GLRX3: variants seen among roughly 807,000 people sequenced by gnomAD.
The protein encoded by GLRX3 is glutaredoxin-3.
In GLRX3, 22 loss-of-function variants were observed where a neutral mutation model predicts 49.5. The observed-to-expected ratio is 0.44, with a 90% CI of 0.32 to 0.63. GLRX3 has a LOEUF of 0.63. Among genes scored for constraint, GLRX3 ranks in the 30% least tolerant of loss-of-function variants. The pLI, the probability that GLRX3 is intolerant of heterozygous loss-of-function variation, is 0.05. For synonymous variants in GLRX3, 133 were observed against 140.0 expected, an observed-to-expected ratio of 0.95 and a Z score of 0.35; for missense variants, 385 against 396.3, an observed-to-expected ratio of 0.97 and a Z score of 0.24.
At chr10:130,138,037 G>C (rs908389322) in intron 1 of GLRX3, among the ~76,000 whole-genome samples, 2 of 151,994 alleles carry the variant, frequency 1.3e-5, no homozygotes, top group Non-Finnish European at 2.9e-5. Context: ...CGTCCGGCCA[G>C]AAATGCTTAT....
chr10:130,137,887 A>G (rs1307712127), intron 1 of GLRX3, among the ~76,000 whole-genome samples: 1 of 151,650 alleles, frequency 6.6e-6, no homozygotes. Flanking sequence ...GGTGCTCACC[A>G]CCACGCCCGT....
At chr10:130,137,821 G>A (rs1336611122) in intron 1 of GLRX3, among the ~76,000 whole-genome samples, 1 of 151,880 alleles carries the variant, frequency 6.6e-6, no homozygotes, top group Admixed American at 6.6e-5. Context: ...TGCAGCCTCC[G>A]CCTCCCAGGC....
intron 4 of GLRX3, among the ~76,000 whole-genome samples, chr10:130,163,027 C>T (rs1862606287): frequency 6.6e-6 from 1 of 152,130 alleles, no homozygotes. Context: ...TTAAAATATA[C>T]TGCTAGCATT....
At chr10:130,162,449 G>A (rs989948175) in intron 4 of GLRX3, among the ~76,000 whole-genome samples, 3 of 152,192 alleles carry the variant, frequency 2.0e-5, no homozygotes, top group African/African-American at 7.2e-5. Context: ...AACGGGGGTT[G>A]CAAATGGTTC....
chr10:130,156,652 G>A (rs894844822), intron 2 of GLRX3, among the ~76,000 whole-genome samples: 2 of 152,170 alleles, frequency 1.3e-5, no homozygotes, highest in African/African-American at 4.8e-5. Context: ...GTAGCTATTC[G>A]CCGTTACTGT....
intron 2 of GLRX3, among the ~76,000 whole-genome samples, chr10:130,157,193 A>T (rs542439041): frequency 6.6e-6 from 1 of 152,172 alleles, no homozygotes; most frequent in Admixed American, 6.5e-5. Flanking sequence ...AGAACTAGGG[A>T]AGCTGGTGGC....
chr10:130,165,710 G>A (rs1862669168), intron 4 of GLRX3, among the ~76,000 whole-genome samples: 1 of 152,224 alleles, frequency 6.6e-6, no homozygotes, highest in Non-Finnish European at 1.5e-5. Flanking sequence ...AGTGAAGATT[G>A]AGAACTACTG....
chr10:130,156,410 T>A (rs1042619901), intron 2 of GLRX3, among the ~76,000 whole-genome samples: 1 of 152,194 alleles, frequency 6.6e-6, no homozygotes, highest in African/African-American at 2.4e-5. Context: ...ATTTCCAGCA[T>A]ATGAATTTAG....
intron 2 of GLRX3, among the ~76,000 whole-genome samples, chr10:130,153,501 G>T (rs1862419233): frequency 6.6e-6 from 1 of 152,126 alleles, no homozygotes; most frequent in Non-Finnish European, 1.5e-5. Flanking sequence ...TATCCTTTTT[G>T]TTGATGTTGA....
At chr10:130,166,809 C>T in intron 5 of GLRX3, 110 bp from the exon 6 acceptor site, 1 of 900,580 alleles carries the variant, frequency 1.1e-6, no homozygotes, top group Non-Finnish European at 1.8e-6. Flanking sequence ...GCAATGAATA[C>T]ACAGTATTTC....
rs1334470069 is a variant in GLRX3, at chr10:130,145,263, A to G, written c.145A>G (p.Met49Val). 5 of 1,585,464 alleles carry G rather than the reference A, an allele frequency of 3.2e-6. No individual in the cohort carries two copies. Among genetic ancestry groups the G allele is most frequent in the Non-Finnish European group, 3.5e-6 (4 of 1,154,582 alleles). ...WAPWAPQCAQ[M>V]NEVMAELAKE... The stretch of plus-strand genomic sequence containing the variant: ...ACCATGGGCTCCACAGTGTGCACAG[A>G]TGAACGAAGTTATGGCAGAGTTAGC... The change falls in exon 2 of 11, where the codon ATG (methionine) becomes GTG (valine). Residue 49 changes from methionine to valine, a missense_variant. Met to Val is a conservative substitution (Grantham distance 21, BLOSUM62 1). This residue lies in a region of GLRX3 where 374 missense variants were observed against 358.6 expected (regional missense o/e 1.04). Coordinates refer to ENST00000331244, the MANE Select transcript of GLRX3 (RefSeq NM_006541.5).
intron 10 of GLRX3, among the ~76,000 whole-genome samples, chr10:130,176,307 A>G (rs955382353): frequency 3.3e-5 from 5 of 152,010 alleles, no homozygotes; most frequent in African/African-American, 7.2e-5. Context: ...TTTAGTAGAG[A>G]TGGGGTTTCA....
chr10:130,150,573 A>AT (rs1350545252), intron 2 of GLRX3, among the ~76,000 whole-genome samples: 1 of 152,214 alleles, frequency 6.6e-6, no homozygotes, highest in Non-Finnish European at 1.5e-5. Flanking sequence ...ATTTAAATGT[A>AT]TTTTTGCTTC....
At chr10:130,159,761 T>C in intron 2 of GLRX3, 1 of 1,249,122 alleles carries the variant, frequency 8.0e-7, no homozygotes, top group Non-Finnish European at 1.0e-6. Context: ...AGGCATCTTT[T>C]GAAATGTGCA....
intron 5 of GLRX3, 38 bp downstream of exon 5, chr10:130,166,717 C>G (rs3736900): frequency 0.019 from 24,429 of 1,313,004 alleles, 793 homozygotes; most frequent in East Asian, 0.11. Context: ...AAAGAAATTC[C>G]ATTTAGAGCA....
chr10:130,150,221 C>T (rs1220876583), intron 2 of GLRX3, among the ~76,000 whole-genome samples: 1 of 132,726 alleles, frequency 7.5e-6, no homozygotes. Flanking sequence ...GCCTGGATAA[C>T]AGAGCAAGAC....
intron 3 of GLRX3, among the ~76,000 whole-genome samples, chr10:130,160,373 G>T (rs1192171115): frequency 6.6e-6 from 1 of 152,158 alleles, no homozygotes; most frequent in African/African-American, 2.4e-5. Context: ...TGGTTAAATT[G>T]GTTGTTTAGA....
chr10:130,158,460 T>C (rs545480338), intron 2 of GLRX3, among the ~76,000 whole-genome samples: 1 of 152,338 alleles, frequency 6.6e-6, no homozygotes, highest in East Asian at 1.9e-4. Context: ...TAAGATCACA[T>C]TACCTTATTT....
intron 8 of GLRX3, among the ~76,000 whole-genome samples, chr10:130,171,940 G>A (rs1162313628): frequency 6.6e-6 from 1 of 152,094 alleles, no homozygotes; most frequent in Non-Finnish European, 1.5e-5. Flanking sequence ...CACTCAGCCT[G>A]GGTGACAGAG....
Sources: gnomAD v4.1 joint callset for allele counts (sites outside exome capture counted in the v4.1 genomes callset) on GRCh38, gnomAD v4.1.1 for gene constraint, gnomAD v4.1.1 regional missense constraint, MANE v1.5 for transcripts, NCBI Gene and HGNC (gene_info 2026-07-23, HGNC 2026-07-21) for gene names.